Variants in TMOD2 observed in about 807,000 individuals in gnomAD.
TMOD2 encodes tropomodulin 2, also known as tropomodulin-2.
A neutral mutation model predicts 39.9 loss-of-function variants in TMOD2; 22 were observed. The observed-to-expected ratio is 0.55, with a 90% CI of 0.39 to 0.79. The LOEUF (loss-of-function observed/expected upper bound fraction) is 0.79. Ranked by LOEUF, TMOD2 falls within the 30% of genes least tolerant of loss-of-function variation. The probability of loss-of-function intolerance (pLI) is 0.00; values close to 1 mark genes in which losing one functional copy is unlikely to be tolerated. For missense variants in TMOD2, 386 were observed against 413.3 expected, an observed-to-expected ratio of 0.93 and a Z score of 0.57; for synonymous variants, 123 against 146.1, an observed-to-expected ratio of 0.84 and a Z score of 1.14.
chr15:51,808,706 C>A lies in TMOD2; in HGVS notation c.*252C>A. On this transcript the variant is annotated 3_prime_UTR_variant, in exon 10 of 10. Transcript: ENST00000249700. Reference sequence around the variant, plus strand: ...GACCGATGCAGATTTTAGAGAGTGACGACATGGAAAATGAATTTAACCACT... The same window carrying A: ...GACCGATGCAGATTTTAGAGAGTGAAGACATGGAAAATGAATTTAACCACT... The A allele has an allele frequency of 2.9e-6, 1 of 348,108 alleles. No individual in the cohort carries two copies. 21.6% of individuals were successfully genotyped at this position (348,108 alleles called of 1,614,324 possible).
At chr15:51,808,034 G>A (rs2056131987) in intron 9 of TMOD2, among the ~76,000 whole-genome samples, 1 of 152,140 alleles carries the variant, frequency 6.6e-6, no homozygotes, top group South Asian at 2.1e-4. Flanking sequence ...CCCATAATCA[G>A]AATTAAAAGA....
chr15:51,781,317 A>G, intron 6 of TMOD2, 143 bp downstream of exon 6: 1 of 708,286 alleles, frequency 1.4e-6, no homozygotes, highest in Non-Finnish European at 2.2e-6. Context: ...ATTCAAAAGA[A>G]GTGGGTTTTG....
At chr15:51,795,333 G>C (rs918667312) in intron 7 of TMOD2, among the ~76,000 whole-genome samples, 5 of 151,972 alleles carry the variant, frequency 3.3e-5, no homozygotes, top group African/African-American at 1.2e-4. Flanking sequence ...GGCTGGGGCA[G>C]GAGAATTGCT....
chr15:51,775,238 C>G (rs932800763), intron 4 of TMOD2, among the ~76,000 whole-genome samples: 5 of 152,204 alleles, frequency 3.3e-5, no homozygotes, highest in Admixed American at 6.5e-5. Flanking sequence ...GCACCTCTTA[C>G]ACTGGCTGGG....
chr15:51,794,043 A>T (rs777399772), intron 7 of TMOD2, among the ~76,000 whole-genome samples: 1 of 152,232 alleles, frequency 6.6e-6, no homozygotes, highest in East Asian at 1.9e-4. Context: ...ATACAGGATT[A>T]TTCTTCTAGT....
chr15:51,776,286 G>C (rs1257473576), intron 4 of TMOD2, among the ~76,000 whole-genome samples: 3 of 152,328 alleles, frequency 2.0e-5, no homozygotes, highest in Middle Eastern at 3.4e-3. Flanking sequence ...CATTAGCAAA[G>C]GGAAATCTGC....
intron 1 of TMOD2, among the ~76,000 whole-genome samples, chr15:51,756,768 T>C (rs1228371983): frequency 6.6e-6 from 1 of 152,348 alleles, no homozygotes; most frequent in East Asian, 1.9e-4. Flanking sequence ...TGCCGTACCA[T>C]ATTTCAGACT....
chr15:51,771,551 G>T lies in TMOD2; in HGVS notation c.284-2161G>T, dbSNP rs563565237. ...TAGGTTGGGCATGCCTCTAATCCCA[G>T]CACTTTGGGAGGCCAAGGCAGGAGG... is the stretch of plus-strand genomic sequence containing the variant. On this transcript the variant is annotated intron_variant, in intron 3 of 9. Coordinates refer to ENST00000249700, the MANE Select transcript of TMOD2 (RefSeq NM_014548.4). Among the ~76,000 whole-genome samples the T allele has an allele frequency of 2.0e-5, 3 of 152,328 alleles. No homozygotes were observed. In the South Asian group the frequency reaches 6.2e-4, roughly 32 times the overall value.
intron 5 of TMOD2, 115 bp downstream of exon 5, chr15:51,777,133 A>G (rs866540862): frequency 8.1e-6 from 7 of 863,266 alleles, no homozygotes; most frequent in Middle Eastern, 4.5e-4. Flanking sequence ...TGCTAGGATC[A>G]CTTGGGCTTT....
chr15:51,781,400 C>T (rs1024783334), intron 6 of TMOD2, among the ~76,000 whole-genome samples: 1 of 152,218 alleles, frequency 6.6e-6, no homozygotes, highest in African/African-American at 2.4e-5. Flanking sequence ...TTAGTTATAT[C>T]TATTGCTGAG....
intron 1 of TMOD2, among the ~76,000 whole-genome samples, chr15:51,761,266 A>G (rs916146092): frequency 1.3e-5 from 2 of 152,202 alleles, no homozygotes; most frequent in Non-Finnish European, 2.9e-5. Context: ...ATGTTGTGCA[A>G]TAAGGACCTG....
intron 8 of TMOD2, among the ~76,000 whole-genome samples, chr15:51,798,952 A>G (rs992548352): frequency 2.6e-5 from 4 of 152,236 alleles, no homozygotes; most frequent in African/African-American, 7.2e-5. Flanking sequence ...TCATGACCAC[A>G]GCATTTCTCA....
chr15:51,798,684 T>G (rs3794534), intron 8 of TMOD2, among the ~76,000 whole-genome samples: 72,722 of 152,036 alleles, frequency 0.48, 17,677 homozygotes, highest in Admixed American at 0.54. Context: ...ATGTATCTCT[T>G]CCCTGTACTA....
intron 3 of TMOD2, among the ~76,000 whole-genome samples, chr15:51,772,389 G>A (rs1447093275): frequency 6.6e-6 from 1 of 152,192 alleles, no homozygotes; most frequent in Non-Finnish European, 1.5e-5. Flanking sequence ...TTTGATCATG[G>A]CTCTAGAATG....
intron 9 of TMOD2, 76 bp downstream of exon 9, chr15:51,806,597 C>A: frequency 6.5e-7 from 1 of 1,536,456 alleles, no homozygotes; most frequent in Non-Finnish European, 8.9e-7. Context: ...GACGCAGCAT[C>A]TCACAGATAC....
chr15:51,807,421 G>T (rs115077896), intron 9 of TMOD2, among the ~76,000 whole-genome samples: 2 of 152,196 alleles, frequency 1.3e-5, no homozygotes, highest in African/African-American at 4.8e-5. Flanking sequence ...ACCCTGAGGC[G>T]TAGGAAAGGT....
intron 7 of TMOD2, among the ~76,000 whole-genome samples, chr15:51,794,369 C>T (rs1301315654): frequency 6.6e-6 from 1 of 152,190 alleles, no homozygotes; most frequent in Non-Finnish European, 1.5e-5. Context: ...TTCTACTCCC[C>T]AGAAGCAATC....
intron 6 of TMOD2, among the ~76,000 whole-genome samples, chr15:51,782,494 G>T (rs577727474): frequency 1.1e-4 from 17 of 152,310 alleles, no homozygotes; most frequent in African/African-American, 4.1e-4. Context: ...ACAGAAAGAC[G>T]ACACTCAGAG....
At chr15:51,759,538 G>C (rs985836367) in intron 1 of TMOD2, among the ~76,000 whole-genome samples, 6 of 152,150 alleles carry the variant, frequency 3.9e-5, no homozygotes, top group African/African-American at 9.7e-5. Context: ...TGCTAAAAGA[G>C]ACCAAAAAGA....
Sources: allele counts gnomAD v4.1 joint callset (sites outside exome capture counted in the v4.1 genomes callset), GRCh38; gene constraint gnomAD v4.1.1; transcripts MANE v1.5; gene names NCBI Gene and HGNC (gene_info 2026-07-23, HGNC 2026-07-21).